PPP2R2B: variants seen among roughly 807,000 people sequenced by gnomAD.
PPP2R2B encodes the protein serine/threonine-protein phosphatase 2A 55 kDa regulatory subunit B beta isoform.
In PPP2R2B, 5 loss-of-function variants were observed where a neutral mutation model predicts 46.0. The observed-to-expected ratio is 0.11, with a 90% confidence interval of 0.06 to 0.23. PPP2R2B has a LOEUF of 0.23. Among genes scored for constraint, PPP2R2B ranks in the 10% least tolerant of loss-of-function variants. The pLI, the probability that PPP2R2B is intolerant of heterozygous loss-of-function variation, is 1.00. For missense variants in PPP2R2B, 367 were observed against 575.0 expected, an observed-to-expected ratio of 0.64 and a Z score of 3.70; for synonymous variants, 215 against 206.7, an observed-to-expected ratio of 1.04 and a Z score of -0.34.
At chr5:146,754,336 A>T (rs1453558056) in intron 2 of PPP2R2B, among the ~76,000 whole-genome samples, 1 of 152,198 alleles carries the variant, frequency 6.6e-6, no homozygotes, top group African/African-American at 2.4e-5. Flanking sequence ...AGGTGTACTC[A>T]TCAGGAGGAG....
At chr5:147,011,239 T>C (rs1195830706) in intron 1 of PPP2R2B, among the ~76,000 whole-genome samples, 3 of 152,156 alleles carry the variant, frequency 2.0e-5, no homozygotes, top group Non-Finnish European at 4.4e-5. Flanking sequence ...ACTCCATGTC[T>C]TTGCTTATAA....
At chr5:146,928,623 T>G (rs906990085) in intron 1 of PPP2R2B, among the ~76,000 whole-genome samples, 1 of 152,148 alleles carries the variant, frequency 6.6e-6, no homozygotes, top group Non-Finnish European at 1.5e-5. Flanking sequence ...ACAGGACTAT[T>G]GCAACTGGTT....
chr5:146,977,461 G>A (rs1244612603), intron 1 of PPP2R2B, among the ~76,000 whole-genome samples: 1 of 151,938 alleles, frequency 6.6e-6, no homozygotes, highest in Non-Finnish European at 1.5e-5. Flanking sequence ...GTGCCATTGT[G>A]GTTTGTTGCA....
intron 2 of PPP2R2B, among the ~76,000 whole-genome samples, chr5:146,746,011 A>G (rs1753171948): frequency 6.6e-6 from 1 of 152,146 alleles, no homozygotes; most frequent in South Asian, 2.1e-4. Flanking sequence ...ATTGTTATCT[A>G]GAGAACTCAT....
chr5:146,684,845 C>T (rs575451597), intron 5 of PPP2R2B, among the ~76,000 whole-genome samples: 2 of 152,170 alleles, frequency 1.3e-5, no homozygotes, highest in Non-Finnish European at 2.9e-5. Context: ...TCAAAGATGT[C>T]ATTTCTTAGA....
intron 1 of PPP2R2B, among the ~76,000 whole-genome samples, chr5:147,010,731 G>C (rs1754685953): frequency 6.6e-6 from 1 of 152,072 alleles, no homozygotes; most frequent in Admixed American, 6.6e-5. Context: ...GTTCTTAACA[G>C]GCCACGGATC....
intron 1 of PPP2R2B, among the ~76,000 whole-genome samples, chr5:146,895,799 C>A (rs1762626830): frequency 6.6e-6 from 1 of 152,126 alleles, no homozygotes; most frequent in Non-Finnish European, 1.5e-5. Flanking sequence ...CTGGACTCCA[C>A]CTCATTAGGA....
chr5:146,915,015 CTCTTT>C (rs1455520300), intron 1 of PPP2R2B, among the ~76,000 whole-genome samples: 4 of 152,084 alleles, frequency 2.6e-5, no homozygotes, highest in Admixed American at 1.3e-4. Context: ...GTTGTTTTTT[CTCTTT>C]TCTTTTATTC....
chr5:146,884,530 T>C (rs527623328), intron 1 of PPP2R2B, among the ~76,000 whole-genome samples: 1 of 152,214 alleles, frequency 6.6e-6, no homozygotes, highest in Non-Finnish European at 1.5e-5. Context: ...TTGCCCTTGA[T>C]TTGCTTCAAT....
chr5:146,792,851 GGTC>G (rs1756294416), intron 2 of PPP2R2B, among the ~76,000 whole-genome samples: 1 of 152,180 alleles, frequency 6.6e-6, no homozygotes. Flanking sequence ...GATGATGTAG[GGTC>G]TTGCAGGCCA....
intron 2 of PPP2R2B, among the ~76,000 whole-genome samples, chr5:146,708,406 T>C (rs1415354017): frequency 9.1e-6 from 1 of 109,348 alleles, no homozygotes; most frequent in Non-Finnish European, 1.8e-5. Flanking sequence ...TGTGTGTGTG[T>C]ATGTGTGTGT....
chr5:146,840,390 C>T (rs1241320427), intron 2 of PPP2R2B, among the ~76,000 whole-genome samples: 1 of 152,136 alleles, frequency 6.6e-6, no homozygotes, highest in Non-Finnish European at 1.5e-5. Context: ...AATGAAATGA[C>T]ATATCTAAAG....
chr5:146,594,934 G>A (rs535774341), intron 8 of PPP2R2B, among the ~76,000 whole-genome samples: 7 of 152,262 alleles, frequency 4.6e-5, no homozygotes, highest in African/African-American at 1.4e-4. Context: ...CTCTTCCTTC[G>A]ACTCCAACAG....
chr5:147,004,145 C>G (rs1166177215), intron 1 of PPP2R2B, among the ~76,000 whole-genome samples: 2 of 152,164 alleles, frequency 1.3e-5, no homozygotes, highest in African/African-American at 2.4e-5. Context: ...GAAAACAGAG[C>G]AGGCCAATCA....
intron 5 of PPP2R2B, among the ~76,000 whole-genome samples, chr5:146,686,996 C>G (rs1016496143): frequency 4.0e-5 from 6 of 148,640 alleles, no homozygotes; most frequent in Non-Finnish European, 7.4e-5. Flanking sequence ...GGTCAGAGAT[C>G]TGGAAAGTCA....
At chr5:146,992,929 A>C (rs1246244769) in intron 1 of PPP2R2B, among the ~76,000 whole-genome samples, 1 of 152,168 alleles carries the variant, frequency 6.6e-6, no homozygotes, top group Non-Finnish European at 1.5e-5. Flanking sequence ...TCTGGTGATG[A>C]AAAATCTTTT....
At chr5:147,003,840 C>T (rs973290171) in intron 1 of PPP2R2B, among the ~76,000 whole-genome samples, 2 of 152,154 alleles carry the variant, frequency 1.3e-5, no homozygotes, top group South Asian at 2.1e-4. Context: ...CTACCTTCCT[C>T]GAGTGGCTAT....
chr5:146,809,997 G>C (rs561914611), intron 2 of PPP2R2B, among the ~76,000 whole-genome samples: 73 of 152,224 alleles, frequency 4.8e-4, no homozygotes, highest in Non-Finnish European at 9.0e-4. Context: ...TGTGGGGGTA[G>C]AGTAAGGAAA....
At chr5:146,742,170 G>A (rs1174370747) in intron 2 of PPP2R2B, among the ~76,000 whole-genome samples, 1 of 152,218 alleles carries the variant, frequency 6.6e-6, no homozygotes, top group Admixed American at 6.5e-5. Context: ...GAACTTTGCT[G>A]TGATACTGCA....
Sources: allele counts gnomAD v4.1 joint callset (sites outside exome capture counted in the v4.1 genomes callset), GRCh38; gene constraint gnomAD v4.1.1; transcripts MANE v1.5; gene names NCBI Gene and HGNC (gene_info 2026-07-23, HGNC 2026-07-21).